The following AGAP1 variants were observed in gnomAD, a reference collection of about 807,000 sequenced individuals.
AGAP1 encodes arf-GAP with GTPase, ANK repeat and PH domain-containing protein 1.
AGAP1 carries 29 observed loss-of-function variants against 105.3 expected under a neutral mutation model. The ratio of observed to expected loss-of-function variants is 0.28; its 90% CI spans 0.21 to 0.38. The LOEUF is 0.38. Ranked by LOEUF, AGAP1 falls within the 10% of genes least tolerant of loss-of-function variation. AGAP1 has a pLI of 1.00. For missense variants in AGAP1, 998 were observed against 1,165.1 expected (o/e 0.86, Z 2.09); for synonymous variants, 509 against 485.9 (o/e 1.05, Z -0.63).
At chr2:235,809,784 G>A (rs1958033264) in intron 9 of AGAP1, among the ~76,000 whole-genome samples, 1 of 152,174 alleles carries the variant, frequency 6.6e-6, no homozygotes, top group Non-Finnish European at 1.5e-5. Context: ...GTGTGGAAAT[G>A]AAATGAGAGG....
At chr2:235,759,318 G>GTCCA (rs1954218976) in intron 6 of AGAP1, among the ~76,000 whole-genome samples, 3 of 151,902 alleles carry the variant, frequency 2.0e-5, no homozygotes, top group Admixed American at 2.0e-4. Flanking sequence ...ACAGGCGCCT[G>GTCCA]CCACCACGCC....
intron 1 of AGAP1, among the ~76,000 whole-genome samples, chr2:235,641,707 A>G (rs1025176152): frequency 1.3e-5 from 2 of 152,214 alleles, no homozygotes; most frequent in African/African-American, 4.8e-5. Flanking sequence ...TTATTTCACA[A>G]ACAATGTTAC....
rs1945675317 is a variant in AGAP1 at position 235,599,979 on chromosome 2, C to G, written c.163+105130C>G. Among the ~76,000 whole-genome samples the G allele has an allele frequency of 6.6e-6, 1 of 152,214 alleles. No individual in the cohort carries two copies. The highest frequency in any genetic ancestry group is 6.5e-5 in the Admixed American group (1 of 15,286). On this transcript the variant is annotated intron_variant, in intron 1 of 17. Coordinates refer to ENST00000304032, the MANE Select transcript of AGAP1 (RefSeq NM_001037131.3). The surrounding 1 kb of genome is among the most constrained non-coding windows in gnomAD (Gnocchi z 5.3). ...CACTGTGATTTGAAAACAGGCGATT[C>G]TTCCAGACAACTTTAAAGATGAGTA...
rs995420274 is a variant in AGAP1 at position 236,051,834 on chromosome 2, G to A, written c.2114+2553G>A. ...AGGCCAGGGTCCTGGTGGAGCATGC[G>A]GGAAGCCTTAACTACACTGTCCAAA... On this transcript the variant is annotated intron_variant, in intron 16 of 17. Transcript: ENST00000304032. The surrounding 1 kb of genome is among the most constrained non-coding windows in gnomAD (Gnocchi z 5.9). Among the ~76,000 whole-genome samples the A allele has an allele frequency of 4.6e-5, 7 of 152,136 alleles. No individual in the cohort carries two copies. The highest frequency in any genetic ancestry group is 2.1e-4 in the South Asian group (1 of 4,836).
intron 12 of AGAP1, among the ~76,000 whole-genome samples, chr2:235,935,902 A>G (rs551269712): frequency 1.3e-5 from 2 of 152,208 alleles, no homozygotes; most frequent in South Asian, 4.2e-4. Context: ...GCACGTTGAG[A>G]TGCGTCACAC....
intron 1 of AGAP1, among the ~76,000 whole-genome samples, chr2:235,588,854 G>A (rs1302289512): frequency 2.6e-5 from 4 of 152,154 alleles, no homozygotes; most frequent in Admixed American, 1.3e-4. Flanking sequence ...GATTACTGAC[G>A]AGACCTTTAA....
Position 235,566,385 on chromosome 2 carries a change from T to C in AGAP1, c.163+71536T>C, listed in dbSNP as rs1944347946. 6.6e-6 allele frequency among the ~76,000 whole-genome samples: 1 copy of C among 152,226 alleles called. No individual in the cohort carries two copies. Among genetic ancestry groups the C allele is most frequent in the Non-Finnish European group, 1.5e-5 (1 of 68,042 alleles). ...CGCCCGGCCTTGTATTATTTTTCAA[T>C]GCATTGCAAAGTCAACGGCAGACTG... On this transcript the variant is annotated intron_variant, in intron 1 of 17. Transcript: ENST00000304032. The surrounding 1 kb of genome is among the most constrained non-coding windows in gnomAD (Gnocchi z 5.2).
At chr2:235,838,065 A>C (rs891917518) in intron 9 of AGAP1, among the ~76,000 whole-genome samples, 65 of 152,298 alleles carry the variant, frequency 4.3e-4, no homozygotes, top group Admixed American at 3.7e-3. Context: ...GTGCACATGT[A>C]GTCCCAGCTA....
At position 235,988,333 on chromosome 2, in the gene AGAP1, G is replaced by A. The variant is rs756186372; in HGVS notation, c.1645+19710G>A. On this transcript the variant is annotated intron_variant, in intron 13 of 17. Coordinates refer to ENST00000304032, the MANE Select transcript of AGAP1 (RefSeq NM_001037131.3). The surrounding 1 kb of genome is among the most constrained non-coding windows in gnomAD (Gnocchi z 4.7). ...GGTAGGATTACAGGCGTGAGCCACCGTGCCTGGCCTAAAACTCCTTTTGAT... is the reference window on the plus strand; with the variant it reads ...GGTAGGATTACAGGCGTGAGCCACCATGCCTGGCCTAAAACTCCTTTTGAT... 2.6e-5 allele frequency among the ~76,000 whole-genome samples: 4 copies of A among 152,158 alleles called. No homozygotes were observed. The highest frequency in any genetic ancestry group is 4.8e-5 in the African/African-American group (2 of 41,436).
In AGAP1 at chr2:235,605,515, C is replaced by T. The variant is rs574479517; in HGVS notation, c.164-103664C>T. 1.1e-3 allele frequency among the ~76,000 whole-genome samples: 163 copies of T among 152,310 alleles called. 1 individual carries two copies. The highest frequency in any genetic ancestry group is 3.7e-3 in the African/African-American group (155 of 41,572). ...TATCTGGTACCCACCATTTGTATCC[C>T]GGCATCATTTATCTTCTCCCTACCT... On this transcript the variant is annotated intron_variant, in intron 1 of 17. Transcript: ENST00000304032.
intron 17 of AGAP1, among the ~76,000 whole-genome samples, chr2:236,122,751 CG>C (rs1467334061): frequency 1.4e-5 from 2 of 144,290 alleles, no homozygotes; most frequent in Non-Finnish European, 3.0e-5. Context: ...GGCACGATCT[CG>C]GCTCACTGCA....
intron 13 of AGAP1, among the ~76,000 whole-genome samples, chr2:236,028,900 C>G (rs2125631652): frequency 6.6e-6 from 1 of 152,292 alleles, no homozygotes; most frequent in Non-Finnish European, 1.5e-5. Flanking sequence ...TCCTCGTTGG[C>G]TAAGGAGTTT....
chr2:235,595,782 T>C (rs534789559), intron 1 of AGAP1, among the ~76,000 whole-genome samples: 4 of 152,178 alleles, frequency 2.6e-5, no homozygotes, highest in South Asian at 4.1e-4. Context: ...GACAGCGATA[T>C]GAGGTGGCAA....
rs1399153620 is a variant in AGAP1, at chr2:235,689,931, T to TA, written c.164-19245dup. On this transcript the variant is annotated intron_variant, in intron 1 of 17. Coordinates refer to ENST00000304032, the MANE Select transcript of AGAP1 (RefSeq NM_001037131.3). The surrounding 1 kb of genome is among the most constrained non-coding windows in gnomAD (Gnocchi z 4.2). Reference sequence around the variant, plus strand: ...GTGTCATTTGTGGTATTTTTTTTTTTAAATACTGCTTTTGTTTATTTTCCC... The same window carrying TA: ...GTGTCATTTGTGGTATTTTTTTTTTTAAAATACTGCTTTTGTTTATTTTCCC... Among the ~76,000 whole-genome samples, 2 of 152,184 alleles carry TA rather than the reference T, an allele frequency of 1.3e-5. No individual in the cohort carries two copies. Among genetic ancestry groups the TA allele is most frequent in the African/African-American group, 4.8e-5 (2 of 41,446 alleles).
At chr2:236,085,646 A>G (rs999704390) in intron 16 of AGAP1, among the ~76,000 whole-genome samples, 3 of 152,200 alleles carry the variant, frequency 2.0e-5, no homozygotes, top group Admixed American at 2.0e-4. Flanking sequence ...TTTACCGTTC[A>G]TAAAAAGAAA....
intron 16 of AGAP1, among the ~76,000 whole-genome samples, chr2:236,117,521 A>G (rs1214189524): frequency 6.6e-6 from 1 of 152,214 alleles, no homozygotes; most frequent in Non-Finnish European, 1.5e-5. Context: ...TTAAAAAGAA[A>G]TTGAATACTT....
chr2:235,817,676 T>C (rs1242624029), intron 9 of AGAP1, among the ~76,000 whole-genome samples: 1 of 152,114 alleles, frequency 6.6e-6, no homozygotes, highest in African/African-American at 2.4e-5. Context: ...AGATCAGTTG[T>C]GGCCAGGAGT....
chr2:235,511,034 C>T (rs577124600), intron 1 of AGAP1, among the ~76,000 whole-genome samples: 4 of 152,060 alleles, frequency 2.6e-5, no homozygotes, highest in Non-Finnish European at 5.9e-5. Context: ...GCATTGTAGC[C>T]CCCAAGAGGA....
rs192586467 is a variant in AGAP1 at position 235,699,733 on chromosome 2, G to A, written c.164-9446G>A. On this transcript the variant is annotated intron_variant, in intron 1 of 17. Coordinates refer to ENST00000304032, the MANE Select transcript of AGAP1 (RefSeq NM_001037131.3). ...GCAGGCCATTCCTTCTGCTGACTGC[G>A]TCAGCAGTCCGGGCTCCAGGAGAAC... 1.8e-3 allele frequency among the ~76,000 whole-genome samples: 281 copies of A among 152,336 alleles called. 1 individual carries two copies. Among genetic ancestry groups the A allele is most frequent in the Non-Finnish European group, 2.9e-3 (200 of 68,032 alleles).
Sources: allele counts gnomAD v4.1 joint callset (sites outside exome capture counted in the v4.1 genomes callset), GRCh38; gene constraint gnomAD v4.1.1; non-coding constraint Gnocchi (gnomAD v3.1); transcripts MANE v1.5; gene names NCBI Gene and HGNC (gene_info 2026-07-23, HGNC 2026-07-21).